Variants in SLC25A13 observed in about 807,000 individuals in gnomAD.
SLC25A13 encodes the protein solute carrier family 25 member 13, also known as electrogenic aspartate/glutamate antiporter SLC25A13, mitochondrial.
SLC25A13 carries 70 observed loss-of-function variants against 85.5 expected under a neutral mutation model. The observed-to-expected ratio is 0.82, with a 90% CI of 0.68 to 1.00. The LOEUF (loss-of-function observed/expected upper bound fraction) is 1.00. SLC25A13 is among the 50% of genes least tolerant of loss of function. The pLI, the probability that SLC25A13 is intolerant of heterozygous loss-of-function variation, is 0.00. For synonymous variants in SLC25A13, 259 were observed against 288.7 expected (o/e 0.90, Z 1.04); for missense variants, 765 against 819.8 (o/e 0.93, Z 0.82).
chr7:96,157,225 G>GT (rs912425941), intron 13 of SLC25A13, among the ~76,000 whole-genome samples: 18 of 150,812 alleles, frequency 1.2e-4, no homozygotes, highest in African/African-American at 1.7e-4. Flanking sequence ...CAAATGCTCT[G>GT]TTTTTTTTTC....
chr7:96,129,817 T>C (rs181153293), intron 15 of SLC25A13, among the ~76,000 whole-genome samples: 16 of 152,330 alleles, frequency 1.1e-4, no homozygotes, highest in Middle Eastern at 3.4e-3. Context: ...AATTTGAACA[T>C]TGGTAGTCTG....
At chr7:96,129,070 TCCTGTC>T (rs1791888714) in intron 15 of SLC25A13, among the ~76,000 whole-genome samples, 1 of 150,566 alleles carries the variant, frequency 6.6e-6, no homozygotes, top group Admixed American at 6.6e-5. Context: ...AACTGAGGCC[TCCTGTC>T]AACAGCTATG....
chr7:96,235,020 C>T (rs1384961398), intron 3 of SLC25A13, 103 bp from the exon 4 acceptor site: 9 of 766,066 alleles, frequency 1.2e-5, no homozygotes, highest in Non-Finnish European at 1.7e-5. Context: ...ACTGCCAAAA[C>T]ATAAAATTCA....
chr7:96,286,914 G>A lies in SLC25A13; in HGVS notation c.70-9576C>T, dbSNP rs1798912557. On this transcript the variant is annotated intron_variant, in intron 2 of 17. Coordinates refer to ENST00000265631, the MANE Select transcript of SLC25A13 (RefSeq NM_014251.3). ...TGCTACCATCACACCTGGTGTGAAG[G>A]CTGCAATGAAGCTCCCTTCCACCTC... is the stretch of plus-strand genomic sequence containing the variant. 2.0e-5 allele frequency among the ~76,000 whole-genome samples: 3 copies of A among 152,184 alleles called. No homozygotes were observed. In the South Asian group the frequency reaches 6.2e-4, roughly 32 times the overall value.
At chr7:96,171,049 G>A (rs1386194652) in intron 12 of SLC25A13, among the ~76,000 whole-genome samples, 4 of 152,210 alleles carry the variant, frequency 2.6e-5, no homozygotes, top group Admixed American at 2.6e-4. Context: ...AGACAAGTGT[G>A]ATTTTAAATT....
chr7:96,219,720 T>C (rs1449225266), intron 4 of SLC25A13: 1 of 534,516 alleles, frequency 1.9e-6, no homozygotes, highest in Non-Finnish European at 3.8e-6. Context: ...TTCTACACTA[T>C]TACAATGAGA....
chr7:96,289,756 T>A (rs909075653), intron 2 of SLC25A13, among the ~76,000 whole-genome samples: 1 of 152,162 alleles, frequency 6.6e-6, no homozygotes, highest in Non-Finnish European at 1.5e-5. Flanking sequence ...AATACGGGAC[T>A]ATGTGAAAAG....
chr7:96,314,353 G>A (rs147203540), intron 1 of SLC25A13, among the ~76,000 whole-genome samples: 73 of 152,214 alleles, frequency 4.8e-4, no homozygotes, highest in African/African-American at 1.7e-3. Flanking sequence ...TTAGGAGAAG[G>A]ACATTTAATT....
At chr7:96,157,732 C>T (rs1436152583) in intron 13 of SLC25A13, among the ~76,000 whole-genome samples, 1 of 152,066 alleles carries the variant, frequency 6.6e-6, no homozygotes, top group Non-Finnish European at 1.5e-5. Context: ...ACCCAGGAGG[C>T]GGAGGTTACA....
intron 17 of SLC25A13, 76 bp downstream of exon 17, chr7:96,121,579 C>T (rs1408771408): frequency 1.4e-6 from 2 of 1,467,454 alleles, no homozygotes; most frequent in African/African-American, 2.8e-5. Flanking sequence ...AGAGACTAGA[C>T]TGAGGTACCT....
intron 11 of SLC25A13, among the ~76,000 whole-genome samples, chr7:96,180,486 G>T (rs955295455): frequency 6.6e-6 from 1 of 152,118 alleles, no homozygotes; most frequent in Non-Finnish European, 1.5e-5. Context: ...CCGCCATTAT[G>T]CCCAGCCAAT....
chr7:96,196,003 C>T (rs1277977958), intron 5 of SLC25A13, among the ~76,000 whole-genome samples: 1 of 152,206 alleles, frequency 6.6e-6, no homozygotes, highest in Non-Finnish European at 1.5e-5. Flanking sequence ...TAAGCATCTA[C>T]TTACATTTAT....
chr7:96,208,078 T>G (rs969175196), intron 5 of SLC25A13, among the ~76,000 whole-genome samples: 1 of 152,182 alleles, frequency 6.6e-6, no homozygotes, highest in Non-Finnish European at 1.5e-5. Context: ...TTGAGACTAG[T>G]GTCTTATCTA....
At chr7:96,219,417 T>C (rs1028431016) in intron 4 of SLC25A13, among the ~76,000 whole-genome samples, 3 of 152,138 alleles carry the variant, frequency 2.0e-5, no homozygotes, top group African/African-American at 7.2e-5. Flanking sequence ...AGTTCTGTAC[T>C]TAGGGATGGA....
Position 96,294,610 on chromosome 7 carries a change from GAAAAAAA to G in SLC25A13, c.69+2281_69+2287del, listed in dbSNP as rs776263797. 3.0e-5 allele frequency among the ~76,000 whole-genome samples: 4 copies of G among 135,130 alleles called. No individual in the cohort carries two copies. In the South Asian group the frequency reaches 9.9e-4, roughly 33 times the overall value. 88.7% of individuals were successfully genotyped at this position (135,130 alleles called of 152,430 possible). On this transcript the variant is annotated intron_variant, in intron 2 of 17. Coordinates refer to ENST00000265631, the MANE Select transcript of SLC25A13 (RefSeq NM_014251.3). Reference sequence around the variant, plus strand: ...GGAGACACAGTGAGACTCTGTCTCAGAAAAAAAAAAAAAGAAAAAAAAGAAACTCTAC... The same window carrying G: ...GGAGACACAGTGAGACTCTGTCTCAGAAAAAAGAAAAAAAAGAAACTCTAC...
Position 96,250,471 on chromosome 7 carries a change from G to C in SLC25A13, c.213-15554C>G, listed in dbSNP as rs573307482. 2.6e-5 allele frequency among the ~76,000 whole-genome samples: 4 copies of C among 152,320 alleles called. No homozygotes were observed. In the South Asian group the frequency reaches 8.3e-4, roughly 32 times the overall value. ...TTACCAGACCATAAGACATAAATGA[G>C]CGAGGACATGCCGAATGGTTGGAAT... is the stretch of plus-strand genomic sequence containing the variant. On this transcript the variant is annotated intron_variant, in intron 3 of 17. Coordinates refer to ENST00000265631, the MANE Select transcript of SLC25A13 (RefSeq NM_014251.3).
At chr7:96,319,708 A>G (rs997404840) in intron 1 of SLC25A13, among the ~76,000 whole-genome samples, 3 of 152,094 alleles carry the variant, frequency 2.0e-5, no homozygotes, top group African/African-American at 7.2e-5. Flanking sequence ...GCTTTGTCTT[A>G]CTTTCCCTTT....
chr7:96,121,574 C>T (rs1196879827), intron 17 of SLC25A13, 81 bp downstream of exon 17: 3 of 1,454,962 alleles, frequency 2.1e-6, no homozygotes, highest in Non-Finnish European at 2.9e-6. Context: ...ATTATAGAGA[C>T]TAGACTGAGG....
chr7:96,248,244 TA>T (rs915589714), intron 3 of SLC25A13, among the ~76,000 whole-genome samples: 18 of 152,082 alleles, frequency 1.2e-4, no homozygotes, highest in African/African-American at 4.3e-4. Flanking sequence ...AGGACACATA[TA>T]AAAAGAAAAT....
Sources: allele counts gnomAD v4.1 joint callset (sites outside exome capture counted in the v4.1 genomes callset), GRCh38; gene constraint gnomAD v4.1.1; transcripts MANE v1.5; gene names NCBI Gene and HGNC (gene_info 2026-07-23, HGNC 2026-07-21).